Variants in SNX29 observed in about 807,000 individuals in gnomAD.
SNX29 encodes the protein sorting nexin-29.
In SNX29, 78 loss-of-function variants were observed where a neutral mutation model predicts 102.1. The ratio of observed to expected loss-of-function variants is 0.76; its 90% CI spans 0.64 to 0.92. The LOEUF is 0.92. Among genes scored for constraint, SNX29 ranks in the 40% least tolerant of loss-of-function variants. SNX29 has a pLI of 0.00. For synonymous variants in SNX29, 580 were observed against 414.5 expected (o/e 1.40, Z -4.85); for missense variants, 1,280 against 1,061.7 (o/e 1.21, Z -2.86).
chr16:12,229,675 A>G (rs911833223), intron 14 of SNX29, among the ~76,000 whole-genome samples: 17 of 151,898 alleles, frequency 1.1e-4, no homozygotes, highest in Admixed American at 1.0e-3. Context: ...TCAAAGATCT[A>G]CCGTCAAAGG....
rs549014068 is a variant in SNX29, at chr16:12,573,504, AAG to A, written c.*4878_*4879del. On this transcript the variant is annotated 3_prime_UTR_variant, in exon 21 of 21. Coordinates refer to ENST00000566228, the MANE Select transcript of SNX29 (RefSeq NM_032167.5). Reference sequence around the variant, plus strand: ...AAGATTCTAGATTCACTGGTGGTTTAAGAGGCCCAGGGATTTAGTTCTTACTG... The same window carrying A: ...AAGATTCTAGATTCACTGGTGGTTTAAGGCCCAGGGATTTAGTTCTTACTG... 106 of 224,950 alleles carry A rather than the reference AAG, an allele frequency of 4.7e-4. 1 individual carries two copies. The highest frequency in any genetic ancestry group is 2.1e-3 in the African/African-American group (96 of 45,028). The allele number at this position is 224,950 out of a possible 1,614,324, so 13.9% of individuals were successfully genotyped here.
intron 1 of SNX29, among the ~76,000 whole-genome samples, chr16:11,979,390 TG>T (rs1466380300): frequency 6.6e-6 from 1 of 151,640 alleles, no homozygotes; most frequent in African/African-American, 2.4e-5. Flanking sequence ...TTGGAAACAT[TG>T]TAATTGAGGC....
chr16:12,416,890 C>A (rs2084659318), intron 18 of SNX29, among the ~76,000 whole-genome samples: 1 of 152,228 alleles, frequency 6.6e-6, no homozygotes, highest in African/African-American at 2.4e-5. Context: ...CCACCTCCAG[C>A]TTCAGGGGTG....
chr16:12,548,580 A>G (rs549856443), intron 20 of SNX29, among the ~76,000 whole-genome samples: 1 of 152,240 alleles, frequency 6.6e-6, no homozygotes, highest in African/African-American at 2.4e-5. Context: ...GCTTCCCTGT[A>G]AGTCCCACTC....
chr16:12,565,081 C>T (rs1366457082), intron 20 of SNX29, among the ~76,000 whole-genome samples: 1 of 152,160 alleles, frequency 6.6e-6, no homozygotes, highest in African/African-American at 2.4e-5. Flanking sequence ...AGTGGGGACA[C>T]ATGGGGTCGT....
At chr16:12,263,132 C>CTTT (rs541154463) in intron 14 of SNX29, among the ~76,000 whole-genome samples, 1 of 138,360 alleles carries the variant, frequency 7.2e-6, no homozygotes, top group African/African-American at 2.7e-5. Flanking sequence ...TGTTGTCCAC[C>CTTT]TTTTTTTTTT....
chr16:12,063,232 TG>T (rs2050853756), intron 9 of SNX29, among the ~76,000 whole-genome samples: 1 of 152,084 alleles, frequency 6.6e-6, no homozygotes, highest in African/African-American at 2.4e-5. Flanking sequence ...AGGGACATCT[TG>T]TCCATGGCCC....
rs1449112805 is a variant in SNX29 at position 12,040,325 on chromosome 16, C to G, written c.248-2572C>G. ...CCCAGGACGTTGAGGCTGCAGTGAG[C>G]TGTCCAGCCTGGGTGACAGAGGGAG... On this transcript the variant is annotated intron_variant, in intron 4 of 20. Coordinates refer to ENST00000566228, the MANE Select transcript of SNX29 (RefSeq NM_032167.5). 7.9e-5 allele frequency among the ~76,000 whole-genome samples: 12 copies of G among 152,212 alleles called. No individual in the cohort carries two copies. In the East Asian group the frequency reaches 2.3e-3, roughly 29 times the overall value.
At chr16:12,298,740 G>A (rs1449832247) in intron 15 of SNX29, among the ~76,000 whole-genome samples, 5 of 152,108 alleles carry the variant, frequency 3.3e-5, no homozygotes, top group East Asian at 1.9e-4. Context: ...GTCTCTCACC[G>A]GCCAAGGAAG....
rs145674713 is a variant in SNX29 at position 12,256,281 on chromosome 16, A to C, written c.1679-21652A>C. 1.2e-3 allele frequency among the ~76,000 whole-genome samples: 187 copies of C among 152,296 alleles called. 1 individual carries two copies. Among genetic ancestry groups the C allele is most frequent in the African/African-American group, 4.3e-3 (180 of 41,556 alleles). ...ATATTTTGGATATTAACCCCTTATCAGACCTATTTTGCAAACAGTTTCTTC... is the reference window on the plus strand; with the variant it reads ...ATATTTTGGATATTAACCCCTTATCCGACCTATTTTGCAAACAGTTTCTTC... On this transcript the variant is annotated intron_variant, in intron 14 of 20. Coordinates refer to ENST00000566228, the MANE Select transcript of SNX29 (RefSeq NM_032167.5).
intron 13 of SNX29, among the ~76,000 whole-genome samples, chr16:12,151,474 A>G (rs180927292): frequency 6.6e-6 from 1 of 152,166 alleles, no homozygotes; most frequent in East Asian, 1.9e-4. Context: ...TCAGAAAAAA[A>G]AGAATATCCA....
chr16:12,001,749 G>A (rs2056295704), intron 2 of SNX29, among the ~76,000 whole-genome samples: 1 of 152,156 alleles, frequency 6.6e-6, no homozygotes, highest in South Asian at 2.1e-4. Flanking sequence ...CAGGCACGGT[G>A]GCTCACACCT....
intron 15 of SNX29, among the ~76,000 whole-genome samples, chr16:12,319,410 C>T (rs919023140): frequency 1.4e-4 from 22 of 152,122 alleles, no homozygotes; most frequent in African/African-American, 5.1e-4. Flanking sequence ...GAGAGGATTG[C>T]ATGAGTCCAG....
At chr16:12,296,736 T>A (rs771591374) in intron 15 of SNX29, among the ~76,000 whole-genome samples, 4 of 152,226 alleles carry the variant, frequency 2.6e-5, no homozygotes, top group Admixed American at 6.5e-5. Flanking sequence ...CTGTTTTGAG[T>A]GCCAGTCATG....
At chr16:12,133,315 G>A (rs939122756) in intron 13 of SNX29, among the ~76,000 whole-genome samples, 18 of 99,438 alleles carry the variant, frequency 1.8e-4, no homozygotes, top group Admixed American at 1.0e-3. Flanking sequence ...TTTTAAGATA[G>A]TATCTCACTC....
At chr16:12,561,194 C>G (rs975955535) in intron 20 of SNX29, 1 of 230,224 alleles carries the variant, frequency 4.3e-6, no homozygotes, top group African/African-American at 2.2e-5. Context: ...TCTGATACTG[C>G]CCATCAGGAC....
intron 15 of SNX29, among the ~76,000 whole-genome samples, chr16:12,303,493 A>T (rs776452444): frequency 8.5e-5 from 13 of 152,232 alleles, no homozygotes; most frequent in Non-Finnish European, 1.5e-4. Flanking sequence ...TTACAGCCAA[A>T]CACATTCGTA....
intron 18 of SNX29, among the ~76,000 whole-genome samples, chr16:12,430,966 C>T (rs61014489): frequency 0.054 from 8,264 of 152,022 alleles, 514 homozygotes; most frequent in African/African-American, 0.15. Flanking sequence ...GATTCTCCTG[C>T]CTCAGCCTCC....
chr16:12,404,085 T>C (rs1317882131), intron 18 of SNX29, among the ~76,000 whole-genome samples: 1 of 152,166 alleles, frequency 6.6e-6, no homozygotes, highest in Admixed American at 6.5e-5. Context: ...TGACCACCAC[T>C]GTCGCCAGGG....
Sources: allele counts gnomAD v4.1 joint callset (sites outside exome capture counted in the v4.1 genomes callset), GRCh38; gene constraint gnomAD v4.1.1; transcripts MANE v1.5; gene names NCBI Gene and HGNC (gene_info 2026-07-23, HGNC 2026-07-21).